ZC3H15: variants seen among roughly 807,000 people sequenced by gnomAD.
The protein encoded by ZC3H15 is zinc finger CCCH domain-containing protein 15.
Under a neutral mutation model 51.2 loss-of-function variants are expected in ZC3H15, and 15 were observed. The observed-to-expected ratio is 0.29, with a 90% CI of 0.20 to 0.45. The LOEUF is 0.45. ZC3H15 is among the 20% of genes least tolerant of loss of function. The pLI, the probability that ZC3H15 is intolerant of heterozygous loss-of-function variation, is 1.00. For missense variants in ZC3H15, 381 were observed against 494.7 expected, an observed-to-expected ratio of 0.77 and a Z score of 2.18; for synonymous variants, 144 against 162.8, an observed-to-expected ratio of 0.88 and a Z score of 0.88.
intron 9 of ZC3H15, among the ~76,000 whole-genome samples, chr2:186,507,726 A>G (rs1187205602): frequency 6.6e-6 from 1 of 152,210 alleles, no homozygotes; most frequent in Non-Finnish European, 1.5e-5. Flanking sequence ...TTATTTTTAC[A>G]ATAAAAGCAC....
intron 1 of ZC3H15, among the ~76,000 whole-genome samples, chr2:186,490,702 A>G (rs1365922106): frequency 1.3e-5 from 2 of 152,116 alleles, no homozygotes; most frequent in Non-Finnish European, 2.9e-5. Flanking sequence ...CAAACATCTT[A>G]TTTAAGCAGT....
chr2:186,502,411 T>A (rs1405692320), intron 4 of ZC3H15, 85 bp from the exon 5 acceptor site: 2 of 1,169,836 alleles, frequency 1.7e-6, no homozygotes, highest in Non-Finnish European at 2.4e-6. Flanking sequence ...ATGAGTCTTA[T>A]AACACAGCAT....
chr2:186,495,335 G>T lies in ZC3H15; in HGVS notation c.177+1G>T. The T allele has an allele frequency of 6.7e-7, 1 of 1,483,250 alleles. No homozygotes were observed. Among genetic ancestry groups the T allele is most frequent in the Non-Finnish European group, 9.0e-7 (1 of 1,114,676 alleles). The allele number at this position is 1,483,250 out of a possible 1,614,324, so 91.9% of individuals were successfully genotyped here. On this transcript the variant is annotated splice_donor_variant, in intron 2 of 9. Coordinates refer to ENST00000337859, the MANE Select transcript of ZC3H15 (RefSeq NM_018471.3). LOFTEE classifies it high-confidence loss of function. ...ATTTGGTCAACAAAATCCACGTCAG[G>T]TAAGTAATTTAAATGTCCATATCTT...
chr2:186,501,042 G>T (rs1396036921), intron 3 of ZC3H15, among the ~76,000 whole-genome samples: 2 of 152,064 alleles, frequency 1.3e-5, no homozygotes, highest in Non-Finnish European at 2.9e-5. Flanking sequence ...TTCTTGTTTG[G>T]TTTCCCACTC....
chr2:186,502,933 TTAA>T (rs1190116950), intron 5 of ZC3H15, among the ~76,000 whole-genome samples: 1 of 152,220 alleles, frequency 6.6e-6, no homozygotes, highest in African/African-American at 2.4e-5. Flanking sequence ...ACTAACCCAC[TTAA>T]TAATGTATTT....
intron 2 of ZC3H15, among the ~76,000 whole-genome samples, chr2:186,496,579 A>G (rs1685285817): frequency 6.6e-6 from 1 of 152,226 alleles, no homozygotes; most frequent in Non-Finnish European, 1.5e-5. Context: ...ATTATCCTAC[A>G]GTCATAGTCA....
Position 186,506,701 on chromosome 2 carries a change from A to G in ZC3H15, c.967-12A>G. 6.3e-7 allele frequency: 1 copy of G among 1,595,892 alleles called. No individual in the cohort carries two copies. The highest frequency in any genetic ancestry group is 8.5e-7 in the Non-Finnish European group (1 of 1,172,680). On this transcript the variant is annotated splice_polypyrimidine_tract_variant and intron_variant, in intron 8 of 9. Coordinates refer to ENST00000337859, the MANE Select transcript of ZC3H15 (RefSeq NM_018471.3). ...TATTTGTAACAACTTTCTTTTCTAT[A>G]TGTTGTTAAAGGTTGATGATTCAGT...
At position 186,492,232 on chromosome 2, in the gene ZC3H15, C is replaced by T. The variant is rs1237347213; in HGVS notation, c.76-3001C>T. On this transcript the variant is annotated intron_variant, in intron 1 of 9. Coordinates refer to ENST00000337859, the MANE Select transcript of ZC3H15 (RefSeq NM_018471.3). ...TTTTTTCTAGAGCCTCCTCTCCCTC[C>T]CGTGAGAGCTCACTTTTTGTAAAGG... is the stretch of plus-strand genomic sequence containing the variant. 2.6e-5 allele frequency among the ~76,000 whole-genome samples: 4 copies of T among 152,158 alleles called. No individual in the cohort carries two copies. In the East Asian group the frequency reaches 7.7e-4, roughly 29 times the overall value.
At chr2:186,496,857 C>T (rs182660442) in intron 2 of ZC3H15, among the ~76,000 whole-genome samples, 4 of 152,296 alleles carry the variant, frequency 2.6e-5, no homozygotes, top group African/African-American at 7.2e-5. Flanking sequence ...TATAACCTTA[C>T]AGGATTACTG....
intron 3 of ZC3H15, chr2:186,500,597 G>A (rs75430255): frequency 2.8e-4 from 145 of 523,948 alleles, no homozygotes; most frequent in African/African-American, 2.5e-3. Context: ...AGCCATAGTT[G>A]AATAAACTGT....
chr2:186,504,500 A>T (rs545894160), intron 6 of ZC3H15, among the ~76,000 whole-genome samples: 1 of 152,346 alleles, frequency 6.6e-6, no homozygotes, highest in Non-Finnish European at 1.5e-5. Flanking sequence ...AAAAATGCTT[A>T]GTTCTCAGAT....
intron 2 of ZC3H15, 126 bp from the exon 3 acceptor site, chr2:186,500,056 A>T (rs1345952848): frequency 1.3e-6 from 1 of 750,460 alleles, no homozygotes; most frequent in Non-Finnish European, 2.1e-6. Context: ...TAAGGCCATT[A>T]TAACACTGAT....
rs1212778306 is a variant in ZC3H15, at chr2:186,509,148, CT to C, written c.*416del. ...CCTCTGTATTTGTATGTTTAGAAGA[CT>C]GCCTAAAACATGAGCACTGTACTTC... is the stretch of plus-strand genomic sequence containing the variant. On this transcript the variant is annotated 3_prime_UTR_variant, in exon 10 of 10. Coordinates refer to ENST00000337859, the MANE Select transcript of ZC3H15 (RefSeq NM_018471.3). 4.7e-6 allele frequency: 2 copies of C among 427,426 alleles called. No individual in the cohort carries two copies. The highest frequency in any genetic ancestry group is 4.1e-5 in the African/African-American group (2 of 48,942). 26.5% of individuals were successfully genotyped at this position (427,426 alleles called of 1,614,324 possible).
At chr2:186,493,800 T>C (rs757592573) in intron 1 of ZC3H15, among the ~76,000 whole-genome samples, 17 of 151,182 alleles carry the variant, frequency 1.1e-4, no homozygotes, top group Non-Finnish European at 2.4e-4. Context: ...TCACTCTGTC[T>C]TCACATTTCC....
At chr2:186,501,744 C>G (rs561125406) in intron 4 of ZC3H15, among the ~76,000 whole-genome samples, 1 of 150,868 alleles carries the variant, frequency 6.6e-6, no homozygotes, top group Admixed American at 6.6e-5. Flanking sequence ...GGAGTCTTGG[C>G]TCTGTCGCCC....
chr2:186,489,839 A>G (rs1461382778), intron 1 of ZC3H15, among the ~76,000 whole-genome samples: 3 of 152,230 alleles, frequency 2.0e-5, no homozygotes, highest in Non-Finnish European at 2.9e-5. Context: ...TACTAGCTCT[A>G]TAGTTTTAGA....
rs138725728 is a variant in ZC3H15 at position 186,505,722 on chromosome 2, A to G, written c.865-18A>G. Reference sequence around the variant, plus strand: ...TTAGATTTTTGTCCTGAGTTGATATATTTGTGTGTCTCAATAGATCAGTGG... The same window carrying G: ...TTAGATTTTTGTCCTGAGTTGATATGTTTGTGTGTCTCAATAGATCAGTGG... On this transcript the variant is annotated intron_variant, in intron 7 of 9. Coordinates refer to ENST00000337859, the MANE Select transcript of ZC3H15 (RefSeq NM_018471.3). 6.2e-7 allele frequency: 1 copy of G among 1,612,108 alleles called. No individual in the cohort carries two copies. Among genetic ancestry groups the G allele is most frequent in the Non-Finnish European group, 8.5e-7 (1 of 1,178,316 alleles).
intron 7 of ZC3H15, 50 bp from the exon 8 acceptor site, chr2:186,505,690 G>A: frequency 6.2e-7 from 1 of 1,607,254 alleles, no homozygotes; most frequent in Non-Finnish European, 8.5e-7. Context: ...TCAGTGACAA[G>A]GAATGTTTAG....
At chr2:186,497,028 T>A in intron 2 of ZC3H15, 1 of 356,858 alleles carries the variant, frequency 2.8e-6, no homozygotes, top group South Asian at 2.1e-5. Context: ...AATGAGTTTA[T>A]CCATTGGCAA....
Sources: allele counts gnomAD v4.1 joint callset (sites outside exome capture counted in the v4.1 genomes callset), GRCh38; gene constraint gnomAD v4.1.1; transcripts MANE v1.5; gene names NCBI Gene and HGNC (gene_info 2026-07-23, HGNC 2026-07-21).